LYN: variants seen among roughly 807,000 people sequenced by gnomAD.
The protein encoded by LYN is tyrosine-protein kinase Lyn.
In LYN, 12 loss-of-function variants were observed where a neutral mutation model predicts 65.0. The ratio of observed to expected loss-of-function variants is 0.18; its 90% CI spans 0.12 to 0.30. The LOEUF (loss-of-function observed/expected upper bound fraction) is 0.30, where lower values mean the gene tolerates loss of function less well. Among genes scored for constraint, LYN ranks in the 10% least tolerant of loss-of-function variants. The pLI, the probability that LYN is intolerant of heterozygous loss-of-function variation, is 1.00. For missense variants in LYN, 380 were observed against 623.2 expected, an observed-to-expected ratio of 0.61 and a Z score of 4.16; for synonymous variants, 222 against 221.2, an observed-to-expected ratio of 1.00 and a Z score of -0.03.
At chr8:55,946,378 T>G in intron 2 of LYN, 70 bp from the exon 3 acceptor site, 1 of 968,226 alleles carries the variant, frequency 1.0e-6, no homozygotes, top group Non-Finnish European at 1.7e-6. Flanking sequence ...ACAAAAATCA[T>G]ATATACAACA....
intron 1 of LYN, among the ~76,000 whole-genome samples, chr8:55,883,511 G>A (rs1692663333): frequency 6.6e-6 from 1 of 152,118 alleles, no homozygotes; most frequent in African/African-American, 2.4e-5. Context: ...CACCTATACT[G>A]GCTGCTGTCC....
At chr8:55,912,447 T>C (rs1805662872) in intron 1 of LYN, among the ~76,000 whole-genome samples, 1 of 152,210 alleles carries the variant, frequency 6.6e-6, no homozygotes, top group South Asian at 2.1e-4. Flanking sequence ...AATTCTTGGC[T>C]GGGCATGGTG....
rs575264972 is a variant in LYN, at chr8:55,921,136, A to T, written c.-5-20719A>T. On this transcript the variant is annotated intron_variant, in intron 1 of 12. Coordinates refer to ENST00000519728, the MANE Select transcript of LYN (RefSeq NM_002350.4). ...ACAATTTTGGGAGTTAACATTTATT[A>T]ATCATCTATTATAAACCAAATACAT... Among the ~76,000 whole-genome samples, 6 of 152,378 alleles carry T rather than the reference A, an allele frequency of 3.9e-5. No homozygotes were observed. The East Asian group carries it at 1.2e-3, about 29-fold the overall frequency.
intron 10 of LYN, among the ~76,000 whole-genome samples, 186 bp downstream of exon 10, chr8:55,969,979 T>C (rs1268615172): frequency 6.6e-6 from 1 of 152,224 alleles, no homozygotes; most frequent in Non-Finnish European, 1.5e-5. Context: ...ACATGGATTG[T>C]GTGTACGTGT....
intron 1 of LYN, among the ~76,000 whole-genome samples, chr8:55,884,403 C>A (rs1336059173): frequency 1.3e-5 from 2 of 151,702 alleles, no homozygotes; most frequent in Non-Finnish European, 2.9e-5. Context: ...CTGCGCCTGG[C>A]CTTTCTGGGG....
intron 9 of LYN, 40 bp downstream of exon 9, chr8:55,966,937 A>C: frequency 2.5e-6 from 4 of 1,580,520 alleles, no homozygotes; most frequent in Non-Finnish European, 3.5e-6. Flanking sequence ...AAGGGCTTCA[A>C]ACTCAAAAAG....
intron 1 of LYN, among the ~76,000 whole-genome samples, chr8:55,896,382 T>A (rs1350683738): frequency 6.6e-6 from 1 of 152,128 alleles, no homozygotes; most frequent in African/African-American, 2.4e-5. Flanking sequence ...GAAACCATCA[T>A]TCTCAGCAAA....
intron 10 of LYN, among the ~76,000 whole-genome samples, chr8:55,982,805 A>G (rs1267686792): frequency 1.3e-5 from 2 of 151,902 alleles, no homozygotes; most frequent in African/African-American, 2.4e-5. Context: ...TCTGCTGCTC[A>G]TTGCTTCATT....
intron 8 of LYN, among the ~76,000 whole-genome samples, chr8:55,964,412 A>AGTGG (rs1807385241): frequency 6.6e-6 from 1 of 152,176 alleles, no homozygotes; most frequent in Non-Finnish European, 1.5e-5. Context: ...GTGGAATACA[A>AGTGG]AATAAAACAT....
intron 8 of LYN, among the ~76,000 whole-genome samples, chr8:55,966,261 T>G (rs1220455709): frequency 6.6e-6 from 1 of 152,200 alleles, no homozygotes; most frequent in Non-Finnish European, 1.5e-5. Context: ...CTAGATACTT[T>G]TCATCTAGCC....
intron 1 of LYN, among the ~76,000 whole-genome samples, chr8:55,893,159 AC>A (rs1173090095): frequency 2.0e-5 from 3 of 152,328 alleles, no homozygotes; most frequent in Middle Eastern, 3.4e-3. Context: ...GTCCTGTTTT[AC>A]CCTGGCGATT....
At chr8:55,940,762 C>T (rs1460105845) in intron 1 of LYN, among the ~76,000 whole-genome samples, 1 of 152,206 alleles carries the variant, frequency 6.6e-6, no homozygotes, top group African/African-American at 2.4e-5. Context: ...TTGCAGTCCC[C>T]AGAGTGCGTG....
chr8:55,952,514 C>T lies in LYN; in HGVS notation c.637+399C>T, dbSNP rs527974166. On this transcript the variant is annotated intron_variant, in intron 7 of 12. Coordinates refer to ENST00000519728, the MANE Select transcript of LYN (RefSeq NM_002350.4). ...GGCGGAGATTGCAGTGAGCTGAGAT[C>T]GCGCCACTGCACTCCAGCCTGGGTG... Among the ~76,000 whole-genome samples, 13 of 152,066 alleles carry T rather than the reference C, an allele frequency of 8.5e-5. No homozygotes were observed. In the South Asian group the frequency reaches 2.1e-3, roughly 24 times the overall value.
rs552015820 is a variant in LYN, at chr8:55,890,267, A to G, written c.-6+10164A>G. On this transcript the variant is annotated intron_variant, in intron 1 of 12. Transcript: ENST00000519728. ...ATTGAGGCTGCAGTGAGCAATGATT[A>G]CACCACCACACTCCATCCTGGGTGA... Among the ~76,000 whole-genome samples the G allele has an allele frequency of 2.0e-5, 3 of 152,238 alleles. No homozygotes were observed. In the South Asian group the frequency reaches 6.2e-4, roughly 32 times the overall value.
rs1163804753 is a variant in LYN, at chr8:55,950,692, A to G, written c.395A>G (p.Lys132Arg). 6.2e-7 allele frequency: 1 copy of G among 1,613,324 alleles called. No homozygotes were observed. The highest frequency in any genetic ancestry group is 8.5e-7 in the Non-Finnish European group (1 of 1,179,210). Reference sequence around the variant, plus strand: ...AAATGTCTTCACAGGTGGTTTTTCAAGGATATAACCAGGAAGGACGCAGAA... The same window carrying G: ...AAATGTCTTCACAGGTGGTTTTTCAGGGATATAACCAGGAAGGACGCAGAA... ...NTLETEEWFF[K>R]DITRKDAERQ... The change falls in exon 6 of 13, where the codon AAG becomes AGG. Residue 132 changes from lysine to arginine, a missense_variant. By Grantham distance (26) the Lys-to-Arg change is conservative. Transcript: ENST00000519728.
chr8:55,968,358 T>C (rs10106451), intron 9 of LYN, among the ~76,000 whole-genome samples: 65,223 of 151,604 alleles, frequency 0.43, 14,390 homozygotes, highest in Middle Eastern at 0.54. Context: ...CAGGTTCCAG[T>C]GATTCTCCTG....
At chr8:55,923,356 C>T (rs1351069818) in intron 1 of LYN, among the ~76,000 whole-genome samples, 1 of 152,130 alleles carries the variant, frequency 6.6e-6, no homozygotes, top group East Asian at 1.9e-4. Flanking sequence ...CAGTTTCCGC[C>T]TCTCTGTCAA....
At position 55,911,098 on chromosome 8, in the gene LYN, T is replaced by TATATATATACACACACAC. The variant is rs1162508957; in HGVS notation, c.-5-30756_-5-30755insTATATATACACACACACA. Among the ~76,000 whole-genome samples, 16 of 11,686 alleles carry TATATATATACACACACAC rather than the reference T, an allele frequency of 1.4e-3. 3 individuals carry two copies. Among genetic ancestry groups the TATATATATACACACACAC allele is most frequent in the African/African-American group, 5.1e-3 (15 of 2,914 alleles). The allele number at this position is 11,686 out of a possible 152,430, so 7.7% of individuals were successfully genotyped here. A position where few individuals can be genotyped will look rare whatever the true frequency, so the allele number is the denominator to read the frequency against. On this transcript the variant is annotated intron_variant, in intron 1 of 12. Transcript: ENST00000519728. ...ATATACATACATATATATATATATA[T>TATATATATACACACACAC]ACATACACGTATATATACGTATATA...
chr8:55,975,510 T>G (rs539651061), intron 10 of LYN, among the ~76,000 whole-genome samples: 1 of 152,324 alleles, frequency 6.6e-6, no homozygotes, highest in Non-Finnish European at 1.5e-5. Flanking sequence ...CTAATGATTC[T>G]GAGGCTATGC....
Sources: allele counts gnomAD v4.1 joint callset (sites outside exome capture counted in the v4.1 genomes callset), GRCh38; gene constraint gnomAD v4.1.1; transcripts MANE v1.5; gene names NCBI Gene and HGNC (gene_info 2026-07-23, HGNC 2026-07-21).